The following JAKMIP1 variants were observed in gnomAD, a reference collection of about 807,000 sequenced individuals.
JAKMIP1 encodes janus kinase and microtubule-interacting protein 1.
JAKMIP1 carries 33 observed loss-of-function variants against 113.0 expected under a neutral mutation model. The observed-to-expected ratio is 0.29, with a 90% confidence interval of 0.22 to 0.39. The LOEUF (loss-of-function observed/expected upper bound fraction) is 0.39, where lower values mean the gene tolerates loss of function less well. JAKMIP1 is among the 10% of genes least tolerant of loss of function. The pLI, the probability that JAKMIP1 is intolerant of heterozygous loss-of-function variation, is 1.00. For synonymous variants in JAKMIP1, 480 were observed against 459.9 expected (o/e 1.04, Z -0.56); for missense variants, 813 against 1,080.5 (o/e 0.75, Z 3.47).
chr4:6,101,409 C>G (rs1713003794), intron 3 of JAKMIP1, among the ~76,000 whole-genome samples: 1 of 152,102 alleles, frequency 6.6e-6, no homozygotes, highest in African/African-American at 2.4e-5. Flanking sequence ...CTTCTGGGCT[C>G]TTCTGTTCCA....
intron 3 of JAKMIP1, among the ~76,000 whole-genome samples, chr4:6,104,708 G>A (rs73795727): frequency 0.08 from 12,122 of 152,256 alleles, 641 homozygotes; most frequent in African/African-American, 0.15. Flanking sequence ...TGTTTGTGGC[G>A]GGCCCCCTCC....
chr4:6,076,614 C>G lies in JAKMIP1; in HGVS notation c.1302+2325G>C, dbSNP rs1256336123. On this transcript the variant is annotated intron_variant, in intron 8 of 20. Transcript: ENST00000409021. The surrounding 1 kb of genome is among the most constrained non-coding windows in gnomAD (Gnocchi z 4.8). Reference sequence around the variant, plus strand: ...AGGCAGCCTGGGAGCCAAATTGCACCCATAGATATATTTTATGTGGCCCAC... The same window carrying G: ...AGGCAGCCTGGGAGCCAAATTGCACGCATAGATATATTTTATGTGGCCCAC... 1.3e-5 allele frequency among the ~76,000 whole-genome samples: 2 copies of G among 152,032 alleles called. No individual in the cohort carries two copies. The highest frequency in any genetic ancestry group is 4.8e-5 in the African/African-American group (2 of 41,392).
rs1490432860 is a variant in JAKMIP1 at position 6,105,669 on chromosome 4, G to A, written c.428C>T (p.Ala143Val). The change falls in exon 3 of 21, where the codon GCC becomes GTC. Residue 143 changes from alanine to valine, a missense_variant. Ala to Val is a moderately conservative substitution (Grantham distance 64). Around this residue, in one of 2 missense-constraint regions of JAKMIP1, gnomAD observed 540 missense variants for 653.9 expected, o/e 0.83. Transcript: ENST00000409021. ...CAGCCGCAGGCGCTCTCCATCGAAG[G>A]CCCTGCGCGCCTCCTCGCGCGCCTC... ...LTEAREEARR[A>V]FDGERLRLQQ... 7 of 1,601,988 alleles carry A rather than the reference G, an allele frequency of 4.4e-6. No individual in the cohort carries two copies. The highest frequency in any genetic ancestry group is 6.0e-6 in the Non-Finnish European group (7 of 1,176,244).
Position 6,059,309 on chromosome 4 carries a change from C to A in JAKMIP1, c.1644+1115G>T, listed in dbSNP as rs770465893. Among the ~76,000 whole-genome samples, 7 of 152,192 alleles carry A rather than the reference C, an allele frequency of 4.6e-5. No individual in the cohort carries two copies. The highest frequency in any genetic ancestry group is 7.2e-5 in the African/African-American group (3 of 41,446). On this transcript the variant is annotated intron_variant, in intron 11 of 20. Coordinates refer to ENST00000409021, the MANE Select transcript of JAKMIP1 (RefSeq NM_001099433.2). This position sits in a 1 kb window ranked among gnomAD's most constrained non-coding sequence, Gnocchi z 4.8. ...CCTCCATGGGAACCTCAGTCTCAAC[C>A]CCGAGCCCTGCGGCAGCCATTCTGA...
rs1347222303 is a variant in JAKMIP1 at position 6,135,051 on chromosome 4, T to A, written c.-147-22054A>T. Among the ~76,000 whole-genome samples, 1 of 150,112 alleles carries A rather than the reference T, an allele frequency of 6.7e-6. No homozygotes were observed. The highest frequency in any genetic ancestry group is 1.5e-5 in the Non-Finnish European group (1 of 67,306). ...AGGTGTAGGGCTCGTGTATCTCTGG[T>A]CTGGTATCGTTGGGGCAGAGCTGCT... is the stretch of plus-strand genomic sequence containing the variant. On this transcript the variant is annotated intron_variant, in intron 1 of 20. Coordinates refer to ENST00000409021, the MANE Select transcript of JAKMIP1 (RefSeq NM_001099433.2). The surrounding 1 kb of genome is among the most constrained non-coding windows in gnomAD (Gnocchi z 4.9).
At chr4:6,120,863 T>G (rs1716610089) in intron 1 of JAKMIP1, among the ~76,000 whole-genome samples, 1 of 146,776 alleles carries the variant, frequency 6.8e-6, no homozygotes, top group Non-Finnish European at 1.5e-5. Context: ...TGCCTTCAGG[T>G]TTGGGCATTT....
intron 2 of JAKMIP1, among the ~76,000 whole-genome samples, chr4:6,109,360 C>T (rs533037006): frequency 6.6e-6 from 1 of 151,980 alleles, no homozygotes; most frequent in East Asian, 1.9e-4. Context: ...GTCTCGATCT[C>T]CTGACCTCAT....
chr4:6,063,240 C>T (rs1717567439), intron 9 of JAKMIP1, among the ~76,000 whole-genome samples: 1 of 152,238 alleles, frequency 6.6e-6, no homozygotes, highest in African/African-American at 2.4e-5. Flanking sequence ...GCATAAATCC[C>T]TCATCAGTGC....
At chr4:6,126,572 T>C (rs1326832925) in intron 1 of JAKMIP1, among the ~76,000 whole-genome samples, 1 of 69,666 alleles carries the variant, frequency 1.4e-5, no homozygotes, top group Non-Finnish European at 2.9e-5. Flanking sequence ...GCAGAAACAC[T>C]CACACGCACA....
intron 16 of JAKMIP1, among the ~76,000 whole-genome samples, chr4:6,045,374 A>G (rs1476567734): frequency 6.6e-6 from 1 of 152,224 alleles, no homozygotes; most frequent in Non-Finnish European, 1.5e-5. Flanking sequence ...GAGGTGAGTG[A>G]GACCTTGCCT....
At chr4:6,169,710 T>C (rs73075494) in intron 1 of JAKMIP1, among the ~76,000 whole-genome samples, 50,594 of 150,954 alleles carry the variant, frequency 0.34, 9,735 homozygotes, top group African/African-American at 0.53. Context: ...TTAGTGCAGG[T>C]CCTGAAGCCA....
At chr4:6,173,913 T>TA (rs1249684659) in intron 1 of JAKMIP1, among the ~76,000 whole-genome samples, 4 of 151,300 alleles carry the variant, frequency 2.6e-5, no homozygotes, top group Non-Finnish European at 5.9e-5. Context: ...TCATCTCTAC[T>TA]AAAAATACAA....
At chr4:6,113,683 G>C (rs1185634095) in intron 1 of JAKMIP1, among the ~76,000 whole-genome samples, 2 of 152,242 alleles carry the variant, frequency 1.3e-5, no homozygotes, top group African/African-American at 4.8e-5. Context: ...AGCCAGGACT[G>C]AGCCTAATCA....
intron 1 of JAKMIP1, among the ~76,000 whole-genome samples, chr4:6,171,722 G>A (rs1724753011): frequency 6.6e-6 from 1 of 152,194 alleles, no homozygotes. Context: ...GAACCCAGGA[G>A]TACCGTGCAG....
Position 6,050,601 on chromosome 4 carries a change from A to T in JAKMIP1, c.1885T>A (p.Phe629Ile). The T allele has an allele frequency of 6.4e-7, 1 of 1,573,512 alleles. No individual in the cohort carries two copies. The highest frequency in any genetic ancestry group is 1.9e-5 in the Admixed American group (1 of 53,872). The change falls in exon 14 of 21, where the codon TTC (phenylalanine) becomes ATC (isoleucine). Residue 629 changes from phenylalanine (F) to isoleucine (I), a missense_variant. Physicochemically the swap from Phe to Ile is conservative, Grantham distance 21 (BLOSUM62 0). Around this residue, in one of 2 missense-constraint regions of JAKMIP1, gnomAD observed 273 missense variants for 426.6 expected, o/e 0.64. Coordinates refer to ENST00000409021, the MANE Select transcript of JAKMIP1 (RefSeq NM_001099433.2). This position sits in a 1 kb window ranked among gnomAD's most constrained non-coding sequence, Gnocchi z 7.4. Reference protein sequence around the residue: ...PENHSSALQLFCHQEGVKDVN... With the variant: ...PENHSSALQLICHQEGVKDVN... Reference sequence around the variant, plus strand: ...ACCTTAACTCCTTCCTGGTGACAGAACAGCTGGAGAGCGCTGCTGTGGTTC... The same window carrying T: ...ACCTTAACTCCTTCCTGGTGACAGATCAGCTGGAGAGCGCTGCTGTGGTTC...
chr4:6,143,291 T>C lies in JAKMIP1; in HGVS notation c.-147-30294A>G, dbSNP rs544912935. ...CATTCTAAAAGCTTTATGAACAGAC[T>C]TGGGGGCTTCCTGACTTCCTGTCTG... On this transcript the variant is annotated intron_variant, in intron 1 of 20. Transcript: ENST00000409021. The surrounding 1 kb of genome is among the most constrained non-coding windows in gnomAD (Gnocchi z 4.9). 2.6e-5 allele frequency among the ~76,000 whole-genome samples: 4 copies of C among 152,352 alleles called. No individual in the cohort carries two copies. The highest frequency in any genetic ancestry group is 4.4e-5 in the Non-Finnish European group (3 of 68,036).
Position 6,086,118 on chromosome 4 carries a change from G to A in JAKMIP1, c.625-489C>T, listed in dbSNP as rs1356706804. Among the ~76,000 whole-genome samples, 2 of 151,988 alleles carry A rather than the reference G, an allele frequency of 1.3e-5. No individual in the cohort carries two copies. Among genetic ancestry groups the A allele is most frequent in the South Asian group, 2.1e-4 (1 of 4,794 alleles). On this transcript the variant is annotated intron_variant, in intron 3 of 20. Coordinates refer to ENST00000409021, the MANE Select transcript of JAKMIP1 (RefSeq NM_001099433.2). The surrounding 1 kb of genome is among the most constrained non-coding windows in gnomAD (Gnocchi z 4.1). ...TGCTCTCCTGGCCACCGAACCCACC[G>A]GACAACGTTGTCCTCCCGCCCTGAC...
rs1178353613 is a variant in JAKMIP1 at position 6,129,238 on chromosome 4, TC to T, written c.-147-16242del. 6.6e-6 allele frequency among the ~76,000 whole-genome samples: 1 copy of T among 151,778 alleles called. No homozygotes were observed. The highest frequency in any genetic ancestry group is 1.5e-5 in the Non-Finnish European group (1 of 67,952). On this transcript the variant is annotated intron_variant, in intron 1 of 20. Coordinates refer to ENST00000409021, the MANE Select transcript of JAKMIP1 (RefSeq NM_001099433.2). This position sits in a 1 kb window ranked among gnomAD's most constrained non-coding sequence, Gnocchi z 5.4. ...TTTCCTGATTCCTTGATAAAAATAG[TC>T]CCCCCTTCTGCAGAATCAAGTACAA...
intron 5 of JAKMIP1, among the ~76,000 whole-genome samples, chr4:6,083,132 G>A (rs111686991): frequency 0.26 from 39,904 of 152,024 alleles, 6,188 homozygotes; most frequent in South Asian, 0.38. Flanking sequence ...GCCAGGCGCG[G>A]TGGCTCACGC....
Sources: gnomAD v4.1 joint callset for allele counts (sites outside exome capture counted in the v4.1 genomes callset) on GRCh38, gnomAD v4.1.1 for gene constraint, gnomAD v4.1.1 regional missense constraint, Gnocchi (gnomAD v3.1) non-coding constraint, MANE v1.5 for transcripts, NCBI Gene and HGNC (gene_info 2026-07-23, HGNC 2026-07-21) for gene names.